The following SRPRA variants were observed in gnomAD, a reference collection of about 807,000 sequenced individuals.
The protein encoded by SRPRA is SRP receptor subunit alpha.
A neutral mutation model predicts 61.1 loss-of-function variants in SRPRA; 30 were observed. The ratio of observed to expected loss-of-function variants is 0.49; its 90% confidence interval spans 0.37 to 0.67. SRPRA has a LOEUF of 0.67. Among genes scored for constraint, SRPRA ranks in the 30% least tolerant of loss-of-function variants. The pLI, the probability that SRPRA is intolerant of heterozygous loss-of-function variation, is 0.00. For synonymous variants in SRPRA, 324 were observed against 299.7 expected, an observed-to-expected ratio of 1.08 and a Z score of -0.84; for missense variants, 759 against 828.4, an observed-to-expected ratio of 0.92 and a Z score of 1.03.
chr11:126,268,346 CA>C, intron 1 of SRPRA, among the ~76,000 whole-genome samples: 1 of 152,304 alleles, frequency 6.6e-6, no homozygotes, highest in South Asian at 2.1e-4. Flanking sequence ...AGATTACTAG[CA>C]GCTATACACC....
chr11:126,248,513 G>C, the SRPRA span, among the ~76,000 whole-genome samples: 1 of 151,676 alleles, frequency 6.6e-6, no homozygotes, highest in African/African-American at 2.4e-5. Flanking sequence ...TGGCACTACA[G>C]GCACCACCAC....
chr11:126,250,549 A>T, the SRPRA span: 1 of 1,614,132 alleles, frequency 6.2e-7, no homozygotes, highest in South Asian at 1.1e-5. This position sits in a 1 kb window ranked among gnomAD's most constrained non-coding sequence, Gnocchi z 5.1. Context: ...GACTGTTTAT[A>T]TGAAGTATTT....
chr11:126,240,981 A>G, the SRPRA span: 1 of 1,614,048 alleles, frequency 6.2e-7, no homozygotes. Flanking sequence ...AGTTTCAGAA[A>G]TGTCTCCATG....
the SRPRA span, chr11:126,240,957 TGAG>T: frequency 7.4e-6 from 12 of 1,614,138 alleles, no homozygotes; most frequent in Non-Finnish European, 1.0e-5. Context: ...TTTTAGAAGA[TGAG>T]GAGAGCAAAA....
Position 126,267,108 on chromosome 11 carries a change from C to A in SRPRA, c.526+67G>T. On this transcript the variant is annotated intron_variant, in intron 4 of 13. Transcript: ENST00000332118. This position sits in a 1 kb window ranked among gnomAD's most constrained non-coding sequence, Gnocchi z 4.2. ...GGTAAGCAATGACAAAAGGAAGGAC[C>A]ACCTCAGTCCTTAGCACCGTGTTAA... 2 of 1,575,282 alleles carry A rather than the reference C, an allele frequency of 1.3e-6. No homozygotes were observed. Among genetic ancestry groups the A allele is most frequent in the Non-Finnish European group, 1.7e-6 (2 of 1,155,742 alleles).
downstream of SRPRA, chr11:126,262,106 C>G: frequency 2.5e-6 from 4 of 1,614,026 alleles, no homozygotes; most frequent in Non-Finnish European, 3.4e-6. Flanking sequence ...GTTCTCTTTT[C>G]TTTCTCCCTA....
chr11:126,236,937 T>TA, the SRPRA span, among the ~76,000 whole-genome samples: 2 of 107,244 alleles, frequency 1.9e-5, no homozygotes, highest in Non-Finnish European at 3.6e-5. Flanking sequence ...TTTTTTTTTT[T>TA]AGACAGAGTC....
At chr11:126,260,732 C>T (rs1005496242), downstream of SRPRA, 1 of 152,120 alleles carries the variant, frequency 6.6e-6, no homozygotes, top group Non-Finnish European at 1.5e-5. Context: ...TATTTGAGTA[C>T]CATGCCTGTT....
At chr11:126,268,424 T>C (rs1378256707) in intron 1 of SRPRA, among the ~76,000 whole-genome samples, 2 of 152,130 alleles carry the variant, frequency 1.3e-5, no homozygotes, top group African/African-American at 4.8e-5. Flanking sequence ...AAAACCAAGC[T>C]GCTGGGGATA....
chr11:126,268,216 G>A (rs1320867145), intron 1 of SRPRA, 130 bp from the exon 2 acceptor site: 3 of 723,872 alleles, frequency 4.1e-6, no homozygotes, highest in East Asian at 5.3e-5. Flanking sequence ...AGGACAAGAG[G>A]ATGTTGGGGC....
At chr11:126,254,394 G>A in the SRPRA span, 30,319 of 1,614,156 alleles carry the variant, frequency 0.019, 352 homozygotes, top group Non-Finnish European at 0.022. Flanking sequence ...TCCTTCATCC[G>A]GCTGGATATC....
chr11:126,246,294 C>T, the SRPRA span, among the ~76,000 whole-genome samples: 1 of 152,092 alleles, frequency 6.6e-6, no homozygotes, highest in Non-Finnish European at 1.5e-5. Flanking sequence ...ATCAACTCAG[C>T]AGTACTATGG....
rs759178694 is a variant in SRPRA, at chr11:126,267,158, A to G, written c.526+17T>C. 15 of 1,613,730 alleles carry G rather than the reference A, an allele frequency of 9.3e-6. No individual in the cohort carries two copies. Among genetic ancestry groups the G allele is most frequent in the Middle Eastern group, 1.6e-4 (1 of 6,078 alleles). On this transcript the variant is annotated intron_variant, in intron 4 of 13. Transcript: ENST00000332118. This position sits in a 1 kb window ranked among gnomAD's most constrained non-coding sequence, Gnocchi z 4.2. ...ACACCTTTCATGTCCCAGTATATCC[A>G]AAGAACTCAAACTTGCCTTCCTTCT...
At chr11:126,259,425 C>CTTTTTT (rs397945854), downstream of SRPRA, among the ~76,000 whole-genome samples, 1 of 129,436 alleles carries the variant, frequency 7.7e-6, no homozygotes, top group Admixed American at 8.2e-5. Context: ...CGTTGTGGTA[C>CTTTTTT]TTTTTTTTTT....
In SRPRA at chr11:126,266,073, T is replaced by C. The variant is rs762120017; in HGVS notation, c.941A>G (p.Lys314Arg). ...ACCAAACATGCCACCCAGTGTTCCC[T>C]TGGTCGCACTGCAGGGACAGGAGAT... ...AQNSTKPSAT[K>R]GTLGGMFGML... Residue 314 changes from lysine (K) to arginine (R), a missense_variant, in exon 8 of 14, where the codon AAG becomes AGG. Transcript: ENST00000332118. 8 of 1,613,988 alleles carry C rather than the reference T, an allele frequency of 5.0e-6. No homozygotes were observed. The highest frequency in any genetic ancestry group is 3.3e-5 in the South Asian group (3 of 91,082).
At chr11:126,249,565 T>C in the SRPRA span, among the ~76,000 whole-genome samples, 1 of 151,616 alleles carries the variant, frequency 6.6e-6, no homozygotes, top group African/African-American at 2.4e-5. Flanking sequence ...ACCCCGTCTC[T>C]ACTAAAAATA....
Position 126,267,983 on chromosome 11 carries a change from C to A in SRPRA, c.201+20G>T. The A allele has an allele frequency of 1.2e-6, 2 of 1,612,790 alleles. No individual in the cohort carries two copies. Among genetic ancestry groups the A allele is most frequent in the Non-Finnish European group, 1.7e-6 (2 of 1,178,802 alleles). On this transcript the variant is annotated intron_variant, in intron 2 of 13. Coordinates refer to ENST00000332118, the MANE Select transcript of SRPRA (RefSeq NM_003139.4). This position sits in a 1 kb window ranked among gnomAD's most constrained non-coding sequence, Gnocchi z 4.2. ...GGCTATGTTAACAATGCAATCGTCC[C>A]TCTACAACACCCCACTTACCACAAA...
chr11:126,247,503 A>C, the SRPRA span, among the ~76,000 whole-genome samples: 1 of 152,082 alleles, frequency 6.6e-6, no homozygotes, highest in South Asian at 2.1e-4. Context: ...CACACCCATG[A>C]TTATGTGATT....
downstream of SRPRA, chr11:126,262,190 G>T (rs1950715404): frequency 1.3e-6 from 2 of 1,582,432 alleles, no homozygotes; most frequent in Admixed American, 1.7e-5. Flanking sequence ...ACTACAGACA[G>T]TGTTTAACAA....
Sources: gnomAD v4.1 joint callset for allele counts (sites outside exome capture counted in the v4.1 genomes callset) on GRCh38, gnomAD v4.1.1 for gene constraint, Gnocchi (gnomAD v3.1) non-coding constraint, MANE v1.5 for transcripts, NCBI Gene and HGNC (gene_info 2026-07-23, HGNC 2026-07-21) for gene names.